Variants in NKAIN2 observed in about 807,000 individuals in gnomAD.
NKAIN2 encodes sodium/potassium transporting ATPase interacting 2.
NKAIN2 carries 14 observed loss-of-function variants against 32.6 expected under a neutral mutation model. That is an observed-to-expected ratio of 0.43 (90% CI 0.28 to 0.67). The LOEUF (loss-of-function observed/expected upper bound fraction) is 0.67. Ranked by LOEUF, NKAIN2 falls within the 30% of genes least tolerant of loss-of-function variation. The pLI is 0.17. For missense variants in NKAIN2, 198 were observed against 258.3 expected, an observed-to-expected ratio of 0.77 and a Z score of 1.60; for synonymous variants, 80 against 87.2, an observed-to-expected ratio of 0.92 and a Z score of 0.46.
intron 1 of NKAIN2, among the ~76,000 whole-genome samples, chr6:124,217,988 G>T (rs1791577751): frequency 1.3e-5 from 2 of 151,678 alleles, no homozygotes; most frequent in Admixed American, 1.3e-4. Flanking sequence ...CAGTAAGAAT[G>T]GAGAATAACT....
At chr6:124,399,533 A>G (rs1340405770) in intron 3 of NKAIN2, among the ~76,000 whole-genome samples, 2 of 152,208 alleles carry the variant, frequency 1.3e-5, no homozygotes, top group Non-Finnish European at 2.9e-5. Context: ...GAAAACTCCC[A>G]TGTGGCCTAC....
chr6:123,994,030 G>A (rs1779515117), intron 1 of NKAIN2, among the ~76,000 whole-genome samples: 1 of 152,064 alleles, frequency 6.6e-6, no homozygotes, highest in African/African-American at 2.4e-5. Context: ...ATTGACCACA[G>A]CCATCACTGC....
intron 3 of NKAIN2, among the ~76,000 whole-genome samples, chr6:124,454,110 G>GGC (rs1776229758): frequency 1.4e-5 from 2 of 145,692 alleles, no homozygotes; most frequent in Non-Finnish European, 3.0e-5. Context: ...TTTTTTTGGG[G>GGC]GGGGGGGTTG....
chr6:123,868,560 A>G (rs571487853), intron 1 of NKAIN2, among the ~76,000 whole-genome samples: 38 of 152,338 alleles, frequency 2.5e-4, no homozygotes, highest in Admixed American at 4.6e-4. Flanking sequence ...TAATACATGA[A>G]TAGAGAGTGT....
chr6:124,652,424 C>T (rs1354845704), intron 3 of NKAIN2, among the ~76,000 whole-genome samples: 1 of 152,140 alleles, frequency 6.6e-6, no homozygotes, highest in Non-Finnish European at 1.5e-5. Flanking sequence ...CAAGCTTTTT[C>T]TAGCATTCAT....
chr6:124,272,023 G>A (rs990324287), intron 1 of NKAIN2, among the ~76,000 whole-genome samples: 1 of 152,096 alleles, frequency 6.6e-6, no homozygotes, highest in South Asian at 2.1e-4. Context: ...ACAAAGAGAT[G>A]GTTTGGAATT....
intron 1 of NKAIN2, among the ~76,000 whole-genome samples, chr6:123,878,226 C>A (rs1235235377): frequency 9.4e-5 from 14 of 149,178 alleles, no homozygotes; most frequent in South Asian, 2.1e-4. Flanking sequence ...AACTCCATCT[C>A]AAAAAAAAAA....
chr6:123,869,901 A>G (rs1250594878), intron 1 of NKAIN2, among the ~76,000 whole-genome samples: 1 of 152,202 alleles, frequency 6.6e-6, no homozygotes, highest in Non-Finnish European at 1.5e-5. Flanking sequence ...GGCTGTCTAA[A>G]TGGACTTGTG....
At chr6:124,644,053 T>C (rs1273128584) in intron 3 of NKAIN2, among the ~76,000 whole-genome samples, 1 of 152,210 alleles carries the variant, frequency 6.6e-6, no homozygotes, top group East Asian at 1.9e-4. Flanking sequence ...TGTTGAGCAA[T>C]TAGGCTTCTT....
Position 124,269,927 on chromosome 6 carries a change from T to G in NKAIN2, c.55-13078T>G, listed in dbSNP as rs1448251971. ...TCTCCCATCCTTATGAAATTGAATT[T>G]TACGAAAGAGACGTCACCTAGAGTT... On this transcript the variant is annotated intron_variant, in intron 1 of 6. Coordinates refer to ENST00000368417, the MANE Select transcript of NKAIN2 (RefSeq NM_001040214.3). Among the ~76,000 whole-genome samples, 3 of 152,182 alleles carry G rather than the reference T, an allele frequency of 2.0e-5. No homozygotes were observed. In the East Asian group the frequency reaches 5.8e-4, roughly 29 times the overall value.
chr6:123,952,345 T>C (rs1777366778), intron 1 of NKAIN2, among the ~76,000 whole-genome samples: 1 of 152,182 alleles, frequency 6.6e-6, no homozygotes, highest in Non-Finnish European at 1.5e-5. Flanking sequence ...TCTTTGACTT[T>C]TGACAGTTTG....
chr6:124,485,934 C>T (rs1583321814), intron 3 of NKAIN2, among the ~76,000 whole-genome samples: 1 of 152,232 alleles, frequency 6.6e-6, no homozygotes, highest in East Asian at 1.9e-4. Context: ...TGACTGAAAG[C>T]CTTCGAGGTG....
intron 3 of NKAIN2, among the ~76,000 whole-genome samples, chr6:124,650,196 A>T (rs1784319016): frequency 6.6e-6 from 1 of 152,152 alleles, no homozygotes; most frequent in African/African-American, 2.4e-5. Flanking sequence ...GAAGGAAGAG[A>T]TAAAACTATT....
At chr6:124,150,113 C>T (rs1007785958) in intron 1 of NKAIN2, among the ~76,000 whole-genome samples, 2 of 152,090 alleles carry the variant, frequency 1.3e-5, no homozygotes, top group African/African-American at 2.4e-5. Flanking sequence ...CAGCTATTCT[C>T]CCCCCTGGGC....
chr6:124,094,330 C>A (rs1307437892), intron 1 of NKAIN2, among the ~76,000 whole-genome samples: 1 of 152,052 alleles, frequency 6.6e-6, no homozygotes, highest in African/African-American at 2.4e-5. Context: ...CTCCTTGAAA[C>A]CTCCCATATT....
At chr6:124,596,430 A>G (rs1473048578) in intron 3 of NKAIN2, among the ~76,000 whole-genome samples, 3 of 152,186 alleles carry the variant, frequency 2.0e-5, no homozygotes, top group Admixed American at 2.0e-4. Flanking sequence ...TGAGGGTCAG[A>G]AGGGACCGCC....
intron 1 of NKAIN2, among the ~76,000 whole-genome samples, chr6:123,831,741 C>T (rs9490954): frequency 0.072 from 10,936 of 150,942 alleles, 824 homozygotes; most frequent in African/African-American, 0.19. Context: ...CTGCAAGCTC[C>T]GCCTCCCGGG....
At chr6:124,153,936 T>TTC (rs1489821240) in intron 1 of NKAIN2, among the ~76,000 whole-genome samples, 1 of 150,666 alleles carries the variant, frequency 6.6e-6, no homozygotes, top group Non-Finnish European at 1.5e-5. Context: ...ATCTATTCCT[T>TTC]TTTTTTTTGT....
At position 124,431,639 on chromosome 6, in the gene NKAIN2, A is replaced by G. The variant is rs188319647; in HGVS notation, c.273+76292A>G. 3.3e-4 allele frequency among the ~76,000 whole-genome samples: 50 copies of G among 152,288 alleles called. 1 individual carries two copies. In the East Asian group the frequency reaches 9.1e-3, roughly 28 times the overall value. On this transcript the variant is annotated intron_variant, in intron 3 of 6. Coordinates refer to ENST00000368417, the MANE Select transcript of NKAIN2 (RefSeq NM_001040214.3). ...TCCTCCTTGGGATGATATAACATCT[A>G]TGGAAAATATATGACCTATAGGTAT...
Sources: allele counts gnomAD v4.1 joint callset (sites outside exome capture counted in the v4.1 genomes callset), GRCh38; gene constraint gnomAD v4.1.1; transcripts MANE v1.5; gene names NCBI Gene and HGNC (gene_info 2026-07-23, HGNC 2026-07-21).